Variants in LRP1B observed in about 807,000 individuals in gnomAD.
LRP1B encodes low-density lipoprotein receptor-related protein 1B.
Under a neutral mutation model 556.6 loss-of-function variants are expected in LRP1B, and 217 were observed. The observed-to-expected ratio is 0.39, with a 90% CI of 0.35 to 0.44. The LOEUF is 0.44. Ranked by LOEUF, LRP1B falls within the 20% of genes least tolerant of loss-of-function variation. LRP1B has a pLI of 1.00. For missense variants in LRP1B, 5,053 were observed against 5,620.8 expected, an observed-to-expected ratio of 0.90 and a Z score of 3.23; for synonymous variants, 2,047 against 1,865.8, an observed-to-expected ratio of 1.10 and a Z score of -2.50.
chr2:140,911,847 C>T (rs111337186), intron 21 of LRP1B, among the ~76,000 whole-genome samples: 1 of 151,652 alleles, frequency 6.6e-6, no homozygotes, highest in East Asian at 1.9e-4. Flanking sequence ...TCCAAAATGA[C>T]CTTAGAATTG....
intron 1 of LRP1B, among the ~76,000 whole-genome samples, chr2:141,986,297 A>G (rs1176991464): frequency 6.6e-6 from 1 of 151,980 alleles, no homozygotes; most frequent in Non-Finnish European, 1.5e-5. Context: ...TTAAAAAAGT[A>G]GATATTGGTT....
intron 1 of LRP1B, among the ~76,000 whole-genome samples, chr2:141,920,776 A>G (rs1234148059): frequency 6.6e-6 from 1 of 152,026 alleles, no homozygotes; most frequent in East Asian, 1.9e-4. Context: ...GAACTTTGTC[A>G]TTAATATTAT....
rs952604139 is a variant in LRP1B at position 141,540,593 on chromosome 2, C to T, written c.206-60060G>A. Among the ~76,000 whole-genome samples the T allele has an allele frequency of 7.2e-5, 11 of 151,884 alleles. 1 individual carries two copies. In the South Asian group the frequency reaches 8.3e-4, roughly 11 times the overall value. ...TGCTCTTGACTTTTTTGAAGGGCAA[C>T]GTGATTGTAAAATGGTGCTTGGCTT... On this transcript the variant is annotated intron_variant, in intron 2 of 90. Transcript: ENST00000389484.
chr2:141,655,519 T>C (rs1228367790), intron 2 of LRP1B, among the ~76,000 whole-genome samples: 1 of 152,122 alleles, frequency 6.6e-6, no homozygotes, highest in African/African-American at 2.4e-5. Context: ...AATTACAATA[T>C]AAGAAAATAA....
intron 3 of LRP1B, among the ~76,000 whole-genome samples, chr2:141,282,513 G>GTATATGTATATGTATATGTATATC (rs1397553614): frequency 1.3e-5 from 2 of 148,492 alleles, no homozygotes; most frequent in Admixed American, 6.7e-5. Context: ...ATATGTATAT[G>GTATATGTATATGTATATGTATATC]TATATCTATA....
At chr2:140,269,187 A>C in intron 86 of LRP1B, 7 of 446,692 alleles carry the variant, frequency 1.6e-5, no homozygotes, top group South Asian at 1.2e-4. Flanking sequence ...ATGCATGTGG[A>C]TGTTCATGAT....
intron 3 of LRP1B, among the ~76,000 whole-genome samples, chr2:141,368,845 G>A (rs1231518155): frequency 6.6e-6 from 1 of 152,016 alleles, no homozygotes; most frequent in Non-Finnish European, 1.5e-5. Flanking sequence ...TAACACACAG[G>A]TGCATAGTAT....
intron 7 of LRP1B, among the ~76,000 whole-genome samples, chr2:141,154,984 T>A (rs1007334813): frequency 1.3e-5 from 2 of 151,942 alleles, no homozygotes; most frequent in Admixed American, 6.6e-5. Flanking sequence ...TTATAATAAA[T>A]GTTCTGTACA....
chr2:141,364,858 T>A (rs1688959810), intron 3 of LRP1B, among the ~76,000 whole-genome samples: 1 of 152,226 alleles, frequency 6.6e-6, no homozygotes, highest in South Asian at 2.1e-4. Flanking sequence ...TAATTATATG[T>A]ATGCTTCCGA....
chr2:140,272,537 T>C (rs919204410), intron 85 of LRP1B, among the ~76,000 whole-genome samples: 9 of 151,998 alleles, frequency 5.9e-5, no homozygotes, highest in African/African-American at 2.2e-4. Flanking sequence ...TCATAGGCTG[T>C]GTATTAGAAA....
chr2:141,364,334 A>G (rs1688941904), intron 3 of LRP1B, among the ~76,000 whole-genome samples: 1 of 151,518 alleles, frequency 6.6e-6, no homozygotes, highest in Non-Finnish European at 1.5e-5. Context: ...TCACATACAC[A>G]GTGGAATAAT....
intron 66 of LRP1B, among the ~76,000 whole-genome samples, chr2:140,387,635 T>C (rs1218317018): frequency 2.6e-5 from 4 of 152,030 alleles, no homozygotes; most frequent in Non-Finnish European, 5.9e-5. Flanking sequence ...TGCCTGCTAA[T>C]AATTATTCAG....
chr2:140,649,217 C>T, intron 41 of LRP1B, among the ~76,000 whole-genome samples: 1 of 152,096 alleles, frequency 6.6e-6, no homozygotes, highest in Non-Finnish European at 1.5e-5. Context: ...GATTTCCTAC[C>T]TAATTCAAGG....
At chr2:142,044,269 G>C (rs113249944) in intron 1 of LRP1B, among the ~76,000 whole-genome samples, 57 of 151,790 alleles carry the variant, frequency 3.8e-4, no homozygotes, top group African/African-American at 1.3e-3. Context: ...ATTTCTACTT[G>C]GAATTTCTAA....
At chr2:142,099,483 AAATT>A (rs1281216673) in intron 1 of LRP1B, among the ~76,000 whole-genome samples, 2 of 151,986 alleles carry the variant, frequency 1.3e-5, no homozygotes, top group African/African-American at 4.8e-5. Flanking sequence ...CAATTTGATA[AAATT>A]AATTGATAAT....
intron 10 of LRP1B, among the ~76,000 whole-genome samples, chr2:141,050,016 G>A (rs1394233082): frequency 4.0e-5 from 6 of 151,534 alleles, no homozygotes; most frequent in African/African-American, 7.3e-5. Flanking sequence ...TCCAATTATC[G>A]GAGCATCTTA....
intron 1 of LRP1B, among the ~76,000 whole-genome samples, chr2:141,969,223 A>G (rs1450479153): frequency 2.0e-5 from 3 of 151,558 alleles, no homozygotes; most frequent in African/African-American, 7.3e-5. Context: ...AAATTAGTTA[A>G]CATTTCTATC....
intron 23 of LRP1B, among the ~76,000 whole-genome samples, chr2:140,901,763 AATGT>A (rs1233502229): frequency 6.6e-6 from 1 of 152,124 alleles, no homozygotes; most frequent in Non-Finnish European, 1.5e-5. Flanking sequence ...TATGATCATA[AATGT>A]ATTTATTATA....
intron 1 of LRP1B, among the ~76,000 whole-genome samples, chr2:142,020,095 C>T (rs564402927): frequency 2.0e-5 from 3 of 152,218 alleles, no homozygotes; most frequent in South Asian, 2.1e-4. Context: ...TGGTATGGCT[C>T]ACTGAAGTAT....
Sources: gnomAD v4.1 joint callset for allele counts (sites outside exome capture counted in the v4.1 genomes callset) on GRCh38, gnomAD v4.1.1 for gene constraint, MANE v1.5 for transcripts, NCBI Gene and HGNC (gene_info 2026-07-23, HGNC 2026-07-21) for gene names.